The following FAM76B variants were observed in gnomAD, a reference collection of about 807,000 sequenced individuals.
FAM76B encodes the protein protein FAM76B.
Under a neutral mutation model 51.8 loss-of-function variants are expected in FAM76B, and 16 were observed. That is an observed-to-expected ratio of 0.31 (90% CI 0.21 to 0.47). The LOEUF (loss-of-function observed/expected upper bound fraction) is 0.47, where lower values mean the gene tolerates loss of function less well. FAM76B is among the 20% of genes least tolerant of loss of function. FAM76B has a pLI of 1.00. For missense variants in FAM76B, 342 were observed against 392.6 expected, an observed-to-expected ratio of 0.87 and a Z score of 1.09; for synonymous variants, 166 against 129.5, an observed-to-expected ratio of 1.28 and a Z score of -1.91.
rs1253302437 is a variant in FAM76B, at chr11:95,788,570, TA to T, written c.88-8del. 1.2e-6 allele frequency: 2 copies of T among 1,609,676 alleles called. No individual in the cohort carries two copies. The highest frequency in any genetic ancestry group is 8.5e-7 in the Non-Finnish European group (1 of 1,177,458). ...GATGTGCAATCCGACATTCCTGTAATAAGACAATACATTAGTCAGTATCTTT... is the reference window on the plus strand; with the variant it reads ...GATGTGCAATCCGACATTCCTGTAATAGACAATACATTAGTCAGTATCTTT... On this transcript the variant is annotated splice_polypyrimidine_tract_variant and splice_region_variant and intron_variant, in intron 1 of 9. Coordinates refer to ENST00000358780, the MANE Select transcript of FAM76B (RefSeq NM_144664.5).
At chr11:95,771,925 G>C (rs1859784818) in intron 9 of FAM76B, among the ~76,000 whole-genome samples, 1 of 151,018 alleles carries the variant, frequency 6.6e-6, no homozygotes, top group African/African-American at 2.4e-5. Flanking sequence ...AGGAAACAAA[G>C]TGAATCCACT....
intron 9 of FAM76B, among the ~76,000 whole-genome samples, chr11:95,773,942 GATTCA>G (rs1391349509): frequency 1.3e-5 from 2 of 151,090 alleles, no homozygotes; most frequent in African/African-American, 4.8e-5. Flanking sequence ...TGTGTCACAG[GATTCA>G]ATTCCTTATT....
intron 4 of FAM76B, among the ~76,000 whole-genome samples, chr11:95,784,065 A>G (rs2120272422): frequency 6.6e-6 from 1 of 152,336 alleles, no homozygotes; most frequent in African/African-American, 2.4e-5. Flanking sequence ...AGACTGGATA[A>G]AGAAAACATG....
At chr11:95,781,158 G>A (rs2120245843) in intron 5 of FAM76B, among the ~76,000 whole-genome samples, 1 of 150,712 alleles carries the variant, frequency 6.6e-6, no homozygotes, top group East Asian at 1.9e-4. Flanking sequence ...ATATCTCAAA[G>A]TTAAGAATAA....
At chr11:95,771,890 A>C (rs1859783313) in intron 9 of FAM76B, among the ~76,000 whole-genome samples, 1 of 151,106 alleles carries the variant, frequency 6.6e-6, no homozygotes, top group African/African-American at 2.4e-5. Context: ...AATTGTGTCC[A>C]AAGATGCACA....
chr11:95,772,246 C>T (rs149927557), intron 9 of FAM76B, among the ~76,000 whole-genome samples: 205 of 151,152 alleles, frequency 1.4e-3, no homozygotes, highest in African/African-American at 4.5e-3. Context: ...CCTTTAGTTA[C>T]CAGTCATCTG....
At position 95,771,482 on chromosome 11, in the gene FAM76B, A is replaced by C; in HGVS notation, c.*79T>G. The C allele has an allele frequency of 9.0e-7, 1 of 1,108,820 alleles. No homozygotes were observed. Among genetic ancestry groups the C allele is most frequent in the Non-Finnish European group, 1.3e-6 (1 of 750,172 alleles). 68.7% of individuals were successfully genotyped at this position (1,108,820 alleles called of 1,614,324 possible). A position where few individuals can be genotyped will look rare whatever the true frequency, so the allele number is the denominator to read the frequency against. ...TGGTGTGCAAAAATATTTTTCTACTACACAGAATTTAAGGGCTTCACAGAA... is the reference window on the plus strand; with the variant it reads ...TGGTGTGCAAAAATATTTTTCTACTCCACAGAATTTAAGGGCTTCACAGAA... On this transcript the variant is annotated 3_prime_UTR_variant, in exon 10 of 10. Transcript: ENST00000358780.
intron 9 of FAM76B, among the ~76,000 whole-genome samples, chr11:95,773,743 G>T (rs11021313): frequency 1.3e-5 from 2 of 150,982 alleles, no homozygotes; most frequent in Non-Finnish European, 3.0e-5. Flanking sequence ...TCAAATGTTA[G>T]GTCCCTTTTC....
At chr11:95,775,188 T>C (rs572862397) in intron 9 of FAM76B, among the ~76,000 whole-genome samples, 2 of 151,586 alleles carry the variant, frequency 1.3e-5, no homozygotes, top group African/African-American at 4.8e-5. Context: ...AGAGAACATG[T>C]AATTAATTTA....
rs1383869539 is a variant in FAM76B, at chr11:95,769,300, G to GAGTC, written c.*2260_*2261insGACT. ...CAAAACACTACAGAGATCCAGGACTGGGACTGAATTACTAATTTATACAAT... is the reference window on the plus strand; with the variant it reads ...CAAAACACTACAGAGATCCAGGACTGAGTCGGACTGAATTACTAATTTATACAAT... On this transcript the variant is annotated 3_prime_UTR_variant, in exon 10 of 10. Coordinates refer to ENST00000358780, the MANE Select transcript of FAM76B (RefSeq NM_144664.5). 2 of 152,146 alleles carry GAGTC rather than the reference G, an allele frequency of 1.3e-5. No individual in the cohort carries two copies. Among genetic ancestry groups the GAGTC allele is most frequent in the Non-Finnish European group, 2.9e-5 (2 of 67,804 alleles). The allele number at this position is 152,146 out of a possible 1,614,324, so 9.4% of individuals were successfully genotyped here.
chr11:95,788,437 C>A, intron 2 of FAM76B, 62 bp downstream of exon 2: 1 of 1,302,914 alleles, frequency 7.7e-7, no homozygotes, highest in South Asian at 1.2e-5. Context: ...GATTACAACC[C>A]CCAAGTATTC....
At chr11:95,779,225 A>C (rs1193500542) in intron 7 of FAM76B, 2 of 1,220,282 alleles carry the variant, frequency 1.6e-6, no homozygotes, top group Non-Finnish European at 2.3e-6. Flanking sequence ...TAACATCAGC[A>C]AACTTTTGGC....
chr11:95,770,585 A>C lies in FAM76B; in HGVS notation c.*976T>G, dbSNP rs1000722583. The C allele has an allele frequency of 6.6e-6, 1 of 151,834 alleles. No individual in the cohort carries two copies. The highest frequency in any genetic ancestry group is 2.4e-5 in the African/African-American group (1 of 41,376). The allele number at this position is 151,834 out of a possible 1,614,324, so 9.4% of individuals were successfully genotyped here. ...ATAAAAAATAAAATTACTCTTTAAG[A>C]AGCAACTTAAAATTAAATCTTTGGG... is the stretch of plus-strand genomic sequence containing the variant. On this transcript the variant is annotated 3_prime_UTR_variant, in exon 10 of 10. Transcript: ENST00000358780.
chr11:95,779,553 C>G (rs1860160218), intron 7 of FAM76B, 54 bp downstream of exon 7: 1 of 1,450,054 alleles, frequency 6.9e-7, no homozygotes, highest in Non-Finnish European at 9.5e-7. Context: ...GGCATTCAAC[C>G]ATAACTATTC....
At position 95,789,410 on chromosome 11, in the gene FAM76B, C is replaced by T. The variant is rs760365255; in HGVS notation, c.69G>A (p.Gln23=). The T allele has an allele frequency of 1.2e-6, 2 of 1,605,956 alleles. No homozygotes were observed. Among genetic ancestry groups the T allele is most frequent in the Non-Finnish European group, 1.7e-6 (2 of 1,176,484 alleles). Residue 23 remains glutamine, a synonymous_variant, in exon 1 of 10, where the codon CAG becomes CAA. Transcript: ENST00000358780. ...CACGGACCTTGCAGAGCTGCTGGCC[C>T]TGGGAGAGCTCCTCGAAAGGATAAC... ...TQRYPFEELS[Q]GQQLCKECRI...
In FAM76B at chr11:95,770,986, TAG is replaced by T. The variant is rs567093728; in HGVS notation, c.*573_*574del. 403 of 151,200 alleles carry T rather than the reference TAG, an allele frequency of 2.7e-3. 3 individuals carry two copies. The highest frequency in any genetic ancestry group is 3.3e-3 in the Non-Finnish European group (224 of 67,336). 9.4% of individuals were successfully genotyped at this position (151,200 alleles called of 1,614,324 possible). ...ATTCCTATACCAATAATGAAAATGC[TAG>T]GTTACTAATGTTAATGATGTAACTT... is the stretch of plus-strand genomic sequence containing the variant. On this transcript the variant is annotated 3_prime_UTR_variant, in exon 10 of 10. Transcript: ENST00000358780.
At chr11:95,778,996 A>G in intron 7 of FAM76B, 39 bp from the exon 8 acceptor site, 1 of 1,602,854 alleles carries the variant, frequency 6.2e-7, no homozygotes, top group Non-Finnish European at 8.5e-7. Flanking sequence ...AATGAAGTAG[A>G]AGGAAAATTA....
chr11:95,778,997 A>C, intron 7 of FAM76B, 40 bp from the exon 8 acceptor site: 1 of 1,602,650 alleles, frequency 6.2e-7, no homozygotes, highest in East Asian at 2.2e-5. Flanking sequence ...ATGAAGTAGA[A>C]GGAAAATTAG....
At chr11:95,788,792 A>C (rs999328057) in intron 1 of FAM76B, 3 of 1,472,828 alleles carry the variant, frequency 2.0e-6, no homozygotes, top group Admixed American at 4.1e-5. Flanking sequence ...ATTACAGACA[A>C]ATTAAGAAAG....
Sources: gnomAD v4.1 joint callset for allele counts (sites outside exome capture counted in the v4.1 genomes callset) on GRCh38, gnomAD v4.1.1 for gene constraint, MANE v1.5 for transcripts, NCBI Gene and HGNC (gene_info 2026-07-23, HGNC 2026-07-21) for gene names.